Variants in NSMCE2 observed in about 807,000 individuals in gnomAD.
NSMCE2 encodes the protein NSE2 SUMO ligase component of SMC5/6 complex, also known as E3 SUMO-protein ligase NSE2.
Under a neutral mutation model 23.8 loss-of-function variants are expected in NSMCE2, and 24 were observed. The observed-to-expected ratio is 1.01, with a 90% CI of 0.73 to 1.42. The LOEUF (loss-of-function observed/expected upper bound fraction) is 1.42, where lower values mean the gene tolerates loss of function less well. NSMCE2 is among the 40% of genes most tolerant of loss of function. The pLI, the probability that NSMCE2 is intolerant of heterozygous loss-of-function variation, is 0.00. For missense variants in NSMCE2, 284 were observed against 296.5 expected (o/e 0.96, Z 0.31); for synonymous variants, 92 against 94.1 (o/e 0.98, Z 0.13).
chr8:125,113,062 G>C (rs1039126778), intron 3 of NSMCE2, among the ~76,000 whole-genome samples: 4 of 142,168 alleles, frequency 2.8e-5, no homozygotes, highest in Admixed American at 2.1e-4. Context: ...GAAAATGGGG[G>C]GGGGGGTGAG....
chr8:125,215,504 G>C (rs549432704), intron 5 of NSMCE2, among the ~76,000 whole-genome samples: 7 of 151,942 alleles, frequency 4.6e-5, no homozygotes, highest in Middle Eastern at 3.2e-3. Context: ...ATAAACATAC[G>C]TGTGCATGGG....
intron 5 of NSMCE2, among the ~76,000 whole-genome samples, chr8:125,344,683 T>C (rs1213564748): frequency 6.7e-6 from 1 of 148,480 alleles, no homozygotes; most frequent in East Asian, 2.0e-4. Context: ...GCAGAGGCTA[T>C]AGTGAGCCAA....
At chr8:125,341,935 CA>C (rs1165837921) in intron 5 of NSMCE2, among the ~76,000 whole-genome samples, 1 of 146,710 alleles carries the variant, frequency 6.8e-6, no homozygotes, top group Non-Finnish European at 1.5e-5. Context: ...TGTCTCTGCC[CA>C]TGGAGCTTAC....
chr8:125,263,183 A>T (rs926265738), intron 5 of NSMCE2, among the ~76,000 whole-genome samples: 1 of 152,220 alleles, frequency 6.6e-6, no homozygotes, highest in South Asian at 2.1e-4. Context: ...AAGGTAGGAG[A>T]TGGCATCTGT....
chr8:125,092,252 G>A (rs1817697570), intron 1 of NSMCE2, among the ~76,000 whole-genome samples: 1 of 152,180 alleles, frequency 6.6e-6, no homozygotes, highest in Non-Finnish European at 1.5e-5. Flanking sequence ...TAAACTCTCT[G>A]GACCTCAATT....
At position 125,265,393 on chromosome 8, in the gene NSMCE2, A is replaced by G. The variant is rs190097734; in HGVS notation, c.418+83137A>G. The stretch of plus-strand genomic sequence containing the variant: ...TGCACCACTGTGCCCGGCTGATTTT[A>G]TATTTTTTGAAGAGACAGGAGTTCT... On this transcript the variant is annotated intron_variant, in intron 5 of 7. Transcript: ENST00000287437. 3.3e-4 allele frequency among the ~76,000 whole-genome samples: 50 copies of G among 151,738 alleles called. No individual in the cohort carries two copies. In the East Asian group the frequency reaches 9.5e-3, roughly 29 times the overall value.
intron 5 of NSMCE2, among the ~76,000 whole-genome samples, chr8:125,300,456 C>A (rs934313495): frequency 6.6e-6 from 1 of 152,198 alleles, no homozygotes; most frequent in South Asian, 2.1e-4. Flanking sequence ...AGCCATCACA[C>A]CTGGCCCTGG....
At chr8:125,235,358 AAT>A (rs569381248) in intron 5 of NSMCE2, among the ~76,000 whole-genome samples, 7 of 152,112 alleles carry the variant, frequency 4.6e-5, no homozygotes, top group African/African-American at 1.7e-4. Flanking sequence ...TATATTTCTT[AAT>A]ATGTTTTCTT....
chr8:125,333,921 G>A (rs1202859135), intron 5 of NSMCE2, among the ~76,000 whole-genome samples: 1 of 152,156 alleles, frequency 6.6e-6, no homozygotes, highest in Non-Finnish European at 1.5e-5. Context: ...TCAGTGGCAT[G>A]CTGAACTCAT....
intron 4 of NSMCE2, among the ~76,000 whole-genome samples, chr8:125,154,506 A>G (rs1287081581): frequency 1.4e-5 from 2 of 146,112 alleles, no homozygotes; most frequent in Admixed American, 6.7e-5. Context: ...TAGTGCTCTG[A>G]AAGTTAAAAA....
In NSMCE2 at chr8:125,319,698, A is replaced by G. The variant is rs151036018; in HGVS notation, c.419-37521A>G. On this transcript the variant is annotated intron_variant, in intron 5 of 7. Transcript: ENST00000287437. Reference sequence around the variant, plus strand: ...GTGAACTGGACAACACAGCAGTGAAAACTACCCAAAATGAAATAAAAAAAA... The same window carrying G: ...GTGAACTGGACAACACAGCAGTGAAGACTACCCAAAATGAAATAAAAAAAA... 9.3e-3 allele frequency among the ~76,000 whole-genome samples: 1,422 copies of G among 152,240 alleles called. 20 individuals are homozygous for G. The highest frequency in any genetic ancestry group is 0.032 in the African/African-American group (1,346 of 41,536).
intron 5 of NSMCE2, among the ~76,000 whole-genome samples, chr8:125,246,436 C>T (rs990065455): frequency 6.6e-6 from 1 of 152,124 alleles, no homozygotes; most frequent in Non-Finnish European, 1.5e-5. Context: ...CCCGCCTCCT[C>T]CTCCCAAAGT....
rs191363023 is a variant in NSMCE2 at position 125,292,116 on chromosome 8, G to A, written c.419-65103G>A. ...AAGTACCACACCTACCTACAAGGAG[G>A]GCTGGACAAAGGTATAGTTGGGGAC... On this transcript the variant is annotated intron_variant, in intron 5 of 7. Transcript: ENST00000287437. 4.0e-4 allele frequency among the ~76,000 whole-genome samples: 61 copies of A among 152,030 alleles called. 1 individual carries two copies. The highest frequency in any genetic ancestry group is 3.3e-3 in the Admixed American group (50 of 15,254).
At chr8:125,359,198 C>T (rs1200317738) in intron 7 of NSMCE2, among the ~76,000 whole-genome samples, 4 of 142,936 alleles carry the variant, frequency 2.8e-5, no homozygotes, top group Non-Finnish European at 6.0e-5. Context: ...ACCCGGGAGG[C>T]GGAGCTTGCA....
At chr8:125,259,703 A>G (rs944541522) in intron 5 of NSMCE2, among the ~76,000 whole-genome samples, 3 of 152,228 alleles carry the variant, frequency 2.0e-5, no homozygotes, top group African/African-American at 7.2e-5. Flanking sequence ...AACAGTAGTA[A>G]TCATAATATA....
At chr8:125,121,348 G>T (rs1373255492) in intron 3 of NSMCE2, among the ~76,000 whole-genome samples, 1 of 152,146 alleles carries the variant, frequency 6.6e-6, no homozygotes, top group Non-Finnish European at 1.5e-5. Context: ...AGGTAATTTT[G>T]TCCCTTTATT....
chr8:125,110,785 T>G (rs1818702262), intron 3 of NSMCE2, among the ~76,000 whole-genome samples: 2 of 149,850 alleles, frequency 1.3e-5, no homozygotes, highest in South Asian at 4.2e-4. Context: ...TTTTTTTTTT[T>G]TGAGGATAAT....
At chr8:125,092,458 T>G (rs562045916) in intron 1 of NSMCE2, among the ~76,000 whole-genome samples, 3 of 152,358 alleles carry the variant, frequency 2.0e-5, no homozygotes, top group Admixed American at 6.5e-5. Flanking sequence ...GTCAGGGTTC[T>G]AGTTTAAGGA....
intron 3 of NSMCE2, among the ~76,000 whole-genome samples, chr8:125,118,400 C>G (rs1819123880): frequency 6.6e-6 from 1 of 152,008 alleles, no homozygotes; most frequent in South Asian, 2.1e-4. Context: ...AACAAACACA[C>G]ACACACAGAG....
Sources: gnomAD v4.1 joint callset for allele counts (sites outside exome capture counted in the v4.1 genomes callset) on GRCh38, gnomAD v4.1.1 for gene constraint, MANE v1.5 for transcripts, NCBI Gene and HGNC (gene_info 2026-07-23, HGNC 2026-07-21) for gene names.